PECR: variants seen among roughly 807,000 people sequenced by gnomAD.
PECR encodes the protein peroxisomal trans-2-enoyl-CoA reductase.
PECR carries 30 observed loss-of-function variants against 35.3 expected under a neutral mutation model. The observed-to-expected ratio is 0.85, with a 90% CI of 0.64 to 1.15. PECR has a LOEUF of 1.15. Among genes scored for constraint, PECR ranks in the 50% most tolerant of loss-of-function variants. The probability of loss-of-function intolerance (pLI) is 0.00; values close to 1 mark genes in which losing one functional copy is unlikely to be tolerated. For synonymous variants in PECR, 148 were observed against 138.9 expected, an observed-to-expected ratio of 1.07 and a Z score of -0.46; for missense variants, 392 against 370.8, an observed-to-expected ratio of 1.06 and a Z score of -0.47.
chr2:216,059,638 A>G (rs1489235341), intron 3 of PECR, among the ~76,000 whole-genome samples: 2 of 152,146 alleles, frequency 1.3e-5, no homozygotes, highest in East Asian at 3.8e-4. Flanking sequence ...TGTTCTCAGA[A>G]ATGCATGGGG....
intron 4 of PECR, 113 bp from the exon 5 acceptor site, chr2:216,051,658 C>CT (rs1695117561): frequency 4.0e-6 from 3 of 746,336 alleles, no homozygotes; most frequent in African/African-American, 3.4e-5. Flanking sequence ...AGACTTCTTG[C>CT]TATGGAGTCT....
chr2:216,062,241 TC>T (rs1194680953), intron 3 of PECR, among the ~76,000 whole-genome samples: 1 of 151,956 alleles, frequency 6.6e-6, no homozygotes, highest in East Asian at 1.9e-4. Flanking sequence ...AGACAGGGTT[TC>T]CCCATGTTGG....
chr2:216,051,398 A>T (rs1383448761), intron 5 of PECR, 51 bp downstream of exon 5: 1 of 1,068,204 alleles, frequency 9.4e-7, no homozygotes, highest in East Asian at 2.4e-5. Context: ...TCACAAATGG[A>T]ATCAGAAAGC....
intron 1 of PECR, among the ~76,000 whole-genome samples, chr2:216,077,164 C>T (rs542628708): frequency 6.1e-4 from 92 of 150,806 alleles, no homozygotes; most frequent in African/African-American, 2.0e-3. Context: ...TCCCAAAGTG[C>T]TGGGATTACA....
chr2:216,069,809 GC>G (rs1193091484), intron 1 of PECR, among the ~76,000 whole-genome samples: 1 of 151,890 alleles, frequency 6.6e-6, no homozygotes, highest in Non-Finnish European at 1.5e-5. Flanking sequence ...GGTGGTGGGC[GC>G]CTGTAATCCC....
downstream of PECR, among the ~76,000 whole-genome samples, chr2:216,038,255 G>A (rs1325661623): frequency 4.6e-5 from 7 of 152,152 alleles, no homozygotes; most frequent in Admixed American, 2.0e-4. Flanking sequence ...CTGGAGCCAC[G>A]GAAGGCAGAA....
intron 6 of PECR, among the ~76,000 whole-genome samples, chr2:216,047,253 C>T (rs1389377872): frequency 8.7e-6 from 1 of 115,196 alleles, no homozygotes; most frequent in African/African-American, 3.5e-5. Flanking sequence ...AGTGTAACTT[C>T]GTCTCAGGAA....
At chr2:216,072,821 T>G (rs1409089394) in intron 1 of PECR, among the ~76,000 whole-genome samples, 2 of 152,238 alleles carry the variant, frequency 1.3e-5, no homozygotes, top group Non-Finnish European at 2.9e-5. Flanking sequence ...AGTGCTGTGA[T>G]AAACATACTA....
At chr2:216,058,215 T>G (rs752136507) in intron 4 of PECR, among the ~76,000 whole-genome samples, 2 of 152,134 alleles carry the variant, frequency 1.3e-5, no homozygotes, top group Non-Finnish European at 2.9e-5. Context: ...GCTAACAACT[T>G]CTCCCAAGTG....
intron 6 of PECR, among the ~76,000 whole-genome samples, chr2:216,048,868 C>A (rs573473610): frequency 1.4e-5 from 2 of 139,616 alleles, no homozygotes; most frequent in South Asian, 2.3e-4. Flanking sequence ...AAAAAAAAAC[C>A]GCTGCTGGCA....
At chr2:216,078,608 A>C (rs1241720518) in intron 1 of PECR, among the ~76,000 whole-genome samples, 1 of 152,052 alleles carries the variant, frequency 6.6e-6, no homozygotes, top group Non-Finnish European at 1.5e-5. Flanking sequence ...AAAAAGAAAA[A>C]GATTTTTAAT....
intron 6 of PECR, among the ~76,000 whole-genome samples, chr2:216,046,004 C>CT (rs1175073756): frequency 6.6e-6 from 1 of 151,782 alleles, no homozygotes; most frequent in East Asian, 1.9e-4. Flanking sequence ...TAGTGAAACA[C>CT]TGTCTCTACT....
At chr2:216,074,494 AAGGAAGGAAGGAAGG>A (rs1695650295) in intron 1 of PECR, among the ~76,000 whole-genome samples, 3 of 8,272 alleles carry the variant, frequency 3.6e-4, no homozygotes, top group African/African-American at 9.7e-4. Context: ...GAAAGAAAAA[AAGGAAGGAAGGAAGG>A]AAGGAAGGAA....
At chr2:216,045,553 C>T (rs1272279480) in intron 6 of PECR, among the ~76,000 whole-genome samples, 1 of 152,184 alleles carries the variant, frequency 6.6e-6, no homozygotes, top group Non-Finnish European at 1.5e-5. Context: ...CCTCTTTTTA[C>T]TTTATGTGGC....
intron 3 of PECR, among the ~76,000 whole-genome samples, chr2:216,061,857 G>A (rs1219176808): frequency 6.6e-6 from 1 of 151,962 alleles, no homozygotes; most frequent in Non-Finnish European, 1.5e-5. Context: ...TGTAATAATG[G>A]TATTGTAATT....
intron 3 of PECR, 28 bp from the exon 4 acceptor site, chr2:216,059,004 T>C (rs748741044): frequency 7.1e-6 from 10 of 1,409,192 alleles, no homozygotes; most frequent in Non-Finnish European, 1.0e-5. Flanking sequence ...ACTCAATCAT[T>C]AAATTTTTAA....
chr2:216,051,275 C>G (rs2105950431), intron 5 of PECR, among the ~76,000 whole-genome samples, 174 bp downstream of exon 5: 1 of 101,816 alleles, frequency 9.8e-6, no homozygotes, highest in Admixed American at 1.1e-4. Flanking sequence ...GACAGAGACT[C>G]CATCTCAAAA....
chr2:216,058,793 G>A, intron 4 of PECR, 102 bp downstream of exon 4: 2 of 723,688 alleles, frequency 2.8e-6, no homozygotes, highest in Admixed American at 2.2e-5. Context: ...GCTCATTAAA[G>A]GTATTAATGA....
Position 216,040,598 on chromosome 2 carries a change from G to A in PECR, c.827-1238C>T, listed in dbSNP as rs553156933. 4.7e-4 allele frequency among the ~76,000 whole-genome samples: 72 copies of A among 152,358 alleles called. No individual in the cohort carries two copies. The South Asian group carries it at 0.014, about 30-fold the overall frequency. ...TGTGCATTATCTAAGGCCAGGCACA[G>A]TGGCTCATGCCTGTAATCCCAGCAC... On this transcript the variant is annotated intron_variant, in intron 7 of 7. Transcript: ENST00000265322.
Sources: gnomAD v4.1 joint callset for allele counts (sites outside exome capture counted in the v4.1 genomes callset) on GRCh38, gnomAD v4.1.1 for gene constraint, MANE v1.5 for transcripts, NCBI Gene and HGNC (gene_info 2026-07-23, HGNC 2026-07-21) for gene names.